Variants in AFF2 observed in about 807,000 individuals in gnomAD.
The protein encoded by AFF2 is ALF transcription elongation factor 2, also known as AF4/FMR2 family member 2.
Under a neutral mutation model 76.9 loss-of-function variants are expected in AFF2, and 14 were observed. The ratio of observed to expected loss-of-function variants is 0.18; its 90% confidence interval spans 0.12 to 0.28. The LOEUF is 0.28. Among genes scored for constraint, AFF2 ranks in the 10% least tolerant of loss-of-function variants. The pLI, the probability that AFF2 is intolerant of heterozygous loss-of-function variation, is 1.00. For synonymous variants in AFF2, 398 were observed against 366.7 expected (o/e 1.09, Z -0.98); for missense variants, 868 against 1,001.1 (o/e 0.87, Z 1.79).
chrX:148,543,751 T>C (rs1693513724), intron 1 of AFF2, among the ~76,000 whole-genome samples: 1 of 112,415 alleles, frequency 8.9e-6, no homozygotes, highest in African/African-American at 3.2e-5. Flanking sequence ...TTGATAAACA[T>C]GCAAGAATTG....
At chrX:148,598,639 A>G (rs1286638526) in intron 1 of AFF2, among the ~76,000 whole-genome samples, 1 of 111,952 alleles carries the variant, frequency 8.9e-6, no homozygotes, top group African/African-American at 3.2e-5. Flanking sequence ...GTCACACAAA[A>G]GAAAAGCAAA....
Position 148,843,875 on chromosome X carries a change from C to G in AFF2, c.1262+442C>G, listed in dbSNP as rs565129952. On this transcript the variant is annotated intron_variant, in intron 7 of 20. Coordinates refer to ENST00000370460, the MANE Select transcript of AFF2 (RefSeq NM_002025.4). ...CAACTCTCATGTCATGATCCCCTCC[C>G]CAAATACCCATGTCCTAATACTATC... Among the ~76,000 whole-genome samples, 12 of 111,161 alleles carry G rather than the reference C, an allele frequency of 1.1e-4. 1 individual carries two copies. In the Middle Eastern group the frequency reaches 0.019, roughly 173 times the overall value.
At chrX:148,666,897 A>G (rs781850109) in intron 3 of AFF2, among the ~76,000 whole-genome samples, 101 of 112,412 alleles carry the variant, frequency 9.0e-4, no homozygotes, top group Non-Finnish European at 1.7e-3. Context: ...GCTGGTGTAG[A>G]CAGCTCTGCA....
chrX:148,746,335 C>T (rs1356148280), intron 3 of AFF2, among the ~76,000 whole-genome samples: 1 of 112,035 alleles, frequency 8.9e-6, no homozygotes. Flanking sequence ...TACAGCCTAA[C>T]CTTTTCTCTC....
chrX:148,853,661 G>A (rs2070756398), intron 7 of AFF2, among the ~76,000 whole-genome samples: 1 of 111,718 alleles, frequency 9.0e-6, no homozygotes, highest in South Asian at 3.8e-4. Flanking sequence ...TTGACTCCTA[G>A]TTGAGTGCTA....
chrX:148,512,406 T>C (rs782760014), intron 1 of AFF2, among the ~76,000 whole-genome samples: 3 of 112,115 alleles, frequency 2.7e-5, no homozygotes, highest in Non-Finnish European at 5.6e-5. Flanking sequence ...TCTAATGCCA[T>C]TGAAAAAGGA....
intron 16 of AFF2, 124 bp from the exon 17 acceptor site, chrX:148,977,809 A>G: frequency 1.9e-6 from 1 of 525,724 alleles, no homozygotes; most frequent in Non-Finnish European, 3.4e-6. Context: ...CACATGTACC[A>G]GTCAGTCCTC....
chrX:148,804,661 G>A (rs2124635871), intron 3 of AFF2, among the ~76,000 whole-genome samples: 1 of 112,539 alleles, frequency 8.9e-6, no homozygotes, highest in South Asian at 3.7e-4. Context: ...CAGGATTTTT[G>A]CTGTATTGAA....
intron 1 of AFF2, among the ~76,000 whole-genome samples, chrX:148,599,084 G>T (rs1185622387): frequency 8.9e-6 from 1 of 111,996 alleles, no homozygotes; most frequent in East Asian, 2.8e-4. Context: ...TAGAATGCCT[G>T]GTTTAGCATC....
intron 3 of AFF2, among the ~76,000 whole-genome samples, chrX:148,716,849 A>T (rs146103830): frequency 9.0e-6 from 1 of 111,590 alleles, no homozygotes; most frequent in African/African-American, 3.3e-5. Context: ...GACACTGGGG[A>T]TCCATCAAGG....
chrX:148,991,501 C>A lies in AFF2; in HGVS notation c.*169C>A. The A allele has an allele frequency of 1.8e-6, 1 of 555,018 alleles. No homozygotes were observed. 45.7% of individuals were successfully genotyped at this position (555,018 alleles called of 1,213,427 possible). On this transcript the variant is annotated 3_prime_UTR_variant, in exon 21 of 21. Coordinates refer to ENST00000370460, the MANE Select transcript of AFF2 (RefSeq NM_002025.4). ...CAGAAGTCATTGTAAGTTGACACTACAACTTAAGGGCAGTGTACGTTTTAT... is the reference window on the plus strand; with the variant it reads ...CAGAAGTCATTGTAAGTTGACACTAAAACTTAAGGGCAGTGTACGTTTTAT...
At chrX:148,751,799 A>C (rs1411182166) in intron 3 of AFF2, among the ~76,000 whole-genome samples, 1 of 111,831 alleles carries the variant, frequency 8.9e-6, no homozygotes, top group Non-Finnish European at 1.9e-5. Context: ...GACATGATTT[A>C]TTTGTTCACT....
intron 7 of AFF2, among the ~76,000 whole-genome samples, chrX:148,856,766 T>A (rs903349562): frequency 8.9e-6 from 1 of 112,821 alleles, no homozygotes; most frequent in Non-Finnish European, 1.9e-5. Flanking sequence ...TTTTGAAATA[T>A]ATAACAAGCA....
intron 3 of AFF2, among the ~76,000 whole-genome samples, chrX:148,690,134 G>A (rs1432694152): frequency 2.7e-5 from 3 of 112,067 alleles, no homozygotes; most frequent in South Asian, 7.4e-4. Context: ...AGACTTTTCA[G>A]GTCAGAGGAA....
At chrX:148,706,882 A>G (rs2054891784) in intron 3 of AFF2, among the ~76,000 whole-genome samples, 1 of 112,492 alleles carries the variant, frequency 8.9e-6, no homozygotes, top group Non-Finnish European at 1.9e-5. Flanking sequence ...GATAGATATC[A>G]TTCTTTCATC....
intron 1 of AFF2, among the ~76,000 whole-genome samples, chrX:148,512,215 T>C (rs1388750589): frequency 2.7e-5 from 3 of 112,579 alleles, no homozygotes; most frequent in Non-Finnish European, 1.9e-5. Context: ...TATATCTCTT[T>C]TGCTACAATT....
intron 3 of AFF2, among the ~76,000 whole-genome samples, chrX:148,746,197 AAT>A (rs1399490905): frequency 1.8e-5 from 2 of 112,364 alleles, no homozygotes; most frequent in Non-Finnish European, 3.8e-5. Flanking sequence ...GACAAATAGC[AAT>A]AGTCTTCTAC....
At chrX:148,620,628 T>A (rs2053857991) in intron 1 of AFF2, among the ~76,000 whole-genome samples, 1 of 110,569 alleles carries the variant, frequency 9.0e-6, no homozygotes, top group African/African-American at 3.3e-5. Flanking sequence ...GATTCCAGGC[T>A]CTCTAATACT....
At chrX:148,676,436 A>G (rs1278903493) in intron 3 of AFF2, among the ~76,000 whole-genome samples, 1 of 111,692 alleles carries the variant, frequency 9.0e-6, no homozygotes, top group East Asian at 2.8e-4. Context: ...TCTTTTATTC[A>G]TTCATTTACC....
Sources: allele counts gnomAD v4.1 joint callset (sites outside exome capture counted in the v4.1 genomes callset), GRCh38; gene constraint gnomAD v4.1.1; transcripts MANE v1.5; gene names NCBI Gene and HGNC (gene_info 2026-07-23, HGNC 2026-07-21).